The following MYLK variants were observed in gnomAD, a reference collection of about 807,000 sequenced individuals.
MYLK encodes the protein myosin light chain kinase.
Under a neutral mutation model 203.4 loss-of-function variants are expected in MYLK, and 106 were observed. The ratio of observed to expected loss-of-function variants is 0.52; its 90% CI spans 0.45 to 0.61. The LOEUF (loss-of-function observed/expected upper bound fraction) is 0.61, where lower values mean the gene tolerates loss of function less well. Among genes scored for constraint, MYLK ranks in the 20% least tolerant of loss-of-function variants. The pLI, the probability that MYLK is intolerant of heterozygous loss-of-function variation, is 0.00. For missense variants in MYLK, 2,072 were observed against 2,442.3 expected (o/e 0.85, Z 3.20); for synonymous variants, 867 against 959.5 (o/e 0.90, Z 1.78).
chr3:123,860,239 G>C lies in MYLK; in HGVS notation c.-127+16320C>G, dbSNP rs113984745. Among the ~76,000 whole-genome samples the C allele has an allele frequency of 2.9e-3, 436 of 152,244 alleles. 1 individual carries two copies. Among genetic ancestry groups the C allele is most frequent in the African/African-American group, 0.01 (420 of 41,550 alleles). On this transcript the variant is annotated intron_variant, in intron 2 of 33. Coordinates refer to ENST00000360304, the MANE Select transcript of MYLK (RefSeq NM_053025.4). The stretch of plus-strand genomic sequence containing the variant: ...ACACGGCTCCAGACCAGAGGTGTAG[G>C]GGGAGCCATGATGCTGAGCAACCAG...
intron 2 of MYLK, among the ~76,000 whole-genome samples, chr3:123,842,217 C>A (rs1024462445): frequency 2.0e-5 from 3 of 151,684 alleles, no homozygotes; most frequent in Admixed American, 2.0e-4. Context: ...AAAAACTAAC[C>A]ATAAAAGAGT....
chr3:123,707,444 C>CCTG lies in MYLK; in HGVS notation c.2390+307_2390+309dup, dbSNP rs199961089. ...ATAACAAATGCATTCCCCCTATCCC[C>CCTG]CTGCTTTTCCAACTTTGATCCATTC... On this transcript the variant is annotated intron_variant, in intron 16 of 33. Coordinates refer to ENST00000360304, the MANE Select transcript of MYLK (RefSeq NM_053025.4). 7.7e-3 allele frequency among the ~76,000 whole-genome samples: 1,177 copies of CCTG among 152,348 alleles called. 18 individuals carry two copies. Among genetic ancestry groups the CCTG allele is most frequent in the African/African-American group, 0.027 (1,104 of 41,580 alleles).
rs1020412855 is a variant in MYLK, at chr3:123,728,861, C to T, written c.1517-2783G>A. ...TTTTCCGGGTTGTCTTTGTTTAATC[C>T]GACTCAAAGTTTACTCTGTGTGGAT... On this transcript the variant is annotated intron_variant, in intron 11 of 33. Coordinates refer to ENST00000360304, the MANE Select transcript of MYLK (RefSeq NM_053025.4). 2.6e-5 allele frequency among the ~76,000 whole-genome samples: 4 copies of T among 152,232 alleles called. No individual in the cohort carries two copies. In the South Asian group the frequency reaches 6.2e-4, roughly 24 times the overall value.
intron 2 of MYLK, among the ~76,000 whole-genome samples, chr3:123,862,412 A>T (rs1224886278): frequency 6.6e-6 from 1 of 152,194 alleles, no homozygotes. Context: ...TAATTCAGTG[A>T]GGTTGGTGTT....
At chr3:123,708,614 A>G in intron 15 of MYLK, 84 bp downstream of exon 15, 1 of 1,518,618 alleles carries the variant, frequency 6.6e-7, no homozygotes, top group Non-Finnish European at 9.0e-7. Context: ...AAGTAGCCTC[A>G]TGTGGTTTCC....
In MYLK at chr3:123,770,065, C is replaced by T. The variant is rs1310169046; in HGVS notation, c.166-17527G>A. Among the ~76,000 whole-genome samples, 2 of 151,424 alleles carry T rather than the reference C, an allele frequency of 1.3e-5. 1 individual carries two copies. The highest frequency in any genetic ancestry group is 4.2e-4 in the South Asian group (2 of 4,786). On this transcript the variant is annotated intron_variant, in intron 4 of 33. Transcript: ENST00000360304. ...GTGGCTCATGCCTGTAATCCCAGCA[C>T]TTTTGGAGGCCGAAGCAGGTGGATC...
At chr3:123,772,547 G>C (rs2063917888) in intron 4 of MYLK, among the ~76,000 whole-genome samples, 1 of 151,986 alleles carries the variant, frequency 6.6e-6, no homozygotes, top group South Asian at 2.1e-4. Context: ...AAAGCATAAA[G>C]ATATGTGAAC....
chr3:123,789,709 G>T (rs527254337), intron 4 of MYLK, among the ~76,000 whole-genome samples: 13 of 150,744 alleles, frequency 8.6e-5, no homozygotes, highest in African/African-American at 3.2e-4. Context: ...ATGGGAAGGA[G>T]AGGGGAGAGG....
chr3:123,668,044 A>G (rs1027129390), intron 20 of MYLK, among the ~76,000 whole-genome samples: 45 of 152,314 alleles, frequency 3.0e-4, no homozygotes, highest in African/African-American at 9.6e-4. Context: ...AACTCAAATG[A>G]GAAAAATGAC....
intron 12 of MYLK, among the ~76,000 whole-genome samples, chr3:123,724,904 C>G (rs1024547150): frequency 6.6e-6 from 1 of 151,850 alleles, no homozygotes; most frequent in African/African-American, 2.4e-5. Context: ...GCACCATGTT[C>G]GGCTAAGTTT....
chr3:123,614,985 GT>G (rs141719639), intron 33 of MYLK, among the ~76,000 whole-genome samples: 5,885 of 146,730 alleles, frequency 0.04, 367 homozygotes, highest in African/African-American at 0.13. Flanking sequence ...TTTTTAAAAA[GT>G]TTTTTTTTTG....
intron 4 of MYLK, among the ~76,000 whole-genome samples, chr3:123,790,210 G>A (rs961229966): frequency 2.0e-5 from 3 of 152,188 alleles, no homozygotes; most frequent in East Asian, 1.9e-4. Flanking sequence ...AGGAAGCAAC[G>A]GAAGGGTGAA....
chr3:123,739,105 C>T, intron 6 of MYLK, 43 bp from the exon 7 acceptor site: 1 of 1,603,452 alleles, frequency 6.2e-7, no homozygotes. Flanking sequence ...GACAAGGCAG[C>T]AATTCAACCA....
intron 4 of MYLK, among the ~76,000 whole-genome samples, chr3:123,769,044 T>G (rs1003715417): frequency 1.8e-4 from 27 of 152,234 alleles, no homozygotes; most frequent in Non-Finnish European, 1.2e-4. Flanking sequence ...AACGAGTGCA[T>G]GTTGATCTGA....
In MYLK at chr3:123,682,329, C is replaced by T. The variant is rs569032977; in HGVS notation, c.3566-19G>A. On this transcript the variant is annotated intron_variant, in intron 19 of 33. Coordinates refer to ENST00000360304, the MANE Select transcript of MYLK (RefSeq NM_053025.4). ...GGAGCATCTGGAATGAAACAGGTAA[C>T]AATAAATGTTAGCAGCTGCTGAGGA... 11 of 1,568,078 alleles carry T rather than the reference C, an allele frequency of 7.0e-6. 1 individual carries two copies. In the Admixed American group the frequency reaches 1.6e-4, roughly 23 times the overall value.
At chr3:123,736,573 G>A (rs2062679288) in intron 8 of MYLK, among the ~76,000 whole-genome samples, 1 of 152,060 alleles carries the variant, frequency 6.6e-6, no homozygotes, top group South Asian at 2.1e-4. Flanking sequence ...AGAACTGACA[G>A]GGCTGACGAC....
intron 23 of MYLK, among the ~76,000 whole-genome samples, chr3:123,659,519 G>T (rs1235129649): frequency 5.3e-5 from 8 of 152,138 alleles, no homozygotes; most frequent in Non-Finnish European, 1.0e-4. Context: ...TAAGGAATTT[G>T]CTACCAAATT....
chr3:123,820,644 C>CCTTCCCTCCTTCCT (rs1560259887), intron 3 of MYLK, among the ~76,000 whole-genome samples: 1 of 26,064 alleles, frequency 3.8e-5, no homozygotes, highest in African/African-American at 1.0e-4. Context: ...CCTTCCTTCC[C>CCTTCCCTCCTTCCT]TCCTTCCTTC....
chr3:123,618,151 C>A, intron 33 of MYLK: 1 of 201,440 alleles, frequency 5.0e-6, no homozygotes, highest in Non-Finnish European at 1.0e-5. Context: ...TAGCTATCAT[C>A]TTACAGCAGA....
Sources: allele counts gnomAD v4.1 joint callset (sites outside exome capture counted in the v4.1 genomes callset), GRCh38; gene constraint gnomAD v4.1.1; transcripts MANE v1.5; gene names NCBI Gene and HGNC (gene_info 2026-07-23, HGNC 2026-07-21).